KIAA0825: variants seen among roughly 807,000 people sequenced by gnomAD.
The protein encoded by KIAA0825 is KIAA0825.
In KIAA0825, 119 loss-of-function variants were observed where a neutral mutation model predicts 147.6. That is an observed-to-expected ratio of 0.81 (90% CI 0.69 to 0.94). The LOEUF (loss-of-function observed/expected upper bound fraction) is 0.94, where lower values mean the gene tolerates loss of function less well. Among genes scored for constraint, KIAA0825 ranks in the 40% least tolerant of loss-of-function variants. The pLI is 0.00. For synonymous variants in KIAA0825, 470 were observed against 518.1 expected, an observed-to-expected ratio of 0.91 and a Z score of 1.26; for missense variants, 1,381 against 1,472.7, an observed-to-expected ratio of 0.94 and a Z score of 1.02.
chr5:94,604,376 T>C (rs1227156991), intron 1 of KIAA0825, among the ~76,000 whole-genome samples: 1 of 152,136 alleles, frequency 6.6e-6, no homozygotes, highest in Non-Finnish European at 1.5e-5. Context: ...CTGGCCAACA[T>C]GGCGAAACCC....
intron 2 of KIAA0825, among the ~76,000 whole-genome samples, chr5:94,556,195 G>A (rs908517768): frequency 6.6e-6 from 1 of 151,950 alleles, no homozygotes; most frequent in Non-Finnish European, 1.5e-5. Flanking sequence ...TGGGATTACA[G>A]GTGTGTGCCA....
At chr5:94,588,326 G>T (rs1235632923) in intron 1 of KIAA0825, among the ~76,000 whole-genome samples, 1 of 152,010 alleles carries the variant, frequency 6.6e-6, no homozygotes, top group Non-Finnish European at 1.5e-5. Flanking sequence ...AATCTACAAA[G>T]AACTTAAACA....
At chr5:94,452,880 C>T (rs1758596114) in intron 13 of KIAA0825, 79 bp downstream of exon 13, 5 of 709,742 alleles carry the variant, frequency 7.0e-6, no homozygotes, top group East Asian at 3.3e-5. Flanking sequence ...AGTTCGTTTA[C>T]ATCCATTGAT....
intron 20 of KIAA0825, among the ~76,000 whole-genome samples, chr5:94,348,853 G>A (rs756591732): frequency 6.6e-6 from 1 of 152,016 alleles, no homozygotes; most frequent in East Asian, 1.9e-4. Context: ...AATCACACAG[G>A]ACCTATAAAA....
At chr5:94,265,750 G>A (rs1464204321) in intron 20 of KIAA0825, among the ~76,000 whole-genome samples, 2 of 152,274 alleles carry the variant, frequency 1.3e-5, no homozygotes, top group Middle Eastern at 3.4e-3. Flanking sequence ...GCAGTGAGCC[G>A]AGATTGCGCC....
intron 20 of KIAA0825, among the ~76,000 whole-genome samples, chr5:94,181,704 A>G (rs111908676): frequency 0.014 from 2,100 of 152,332 alleles, 43 homozygotes; most frequent in African/African-American, 0.049. Context: ...ATCAAGGTAA[A>G]GAGAATAAAC....
chr5:94,467,132 C>T (rs77626626), intron 10 of KIAA0825, among the ~76,000 whole-genome samples: 5,745 of 152,260 alleles, frequency 0.038, 167 homozygotes, highest in Non-Finnish European at 0.057. Flanking sequence ...AAAAAATACT[C>T]ATTTTAAGAC....
chr5:94,546,491 C>G (rs1404674343), intron 2 of KIAA0825, among the ~76,000 whole-genome samples: 1 of 150,752 alleles, frequency 6.6e-6, no homozygotes, highest in African/African-American at 2.4e-5. Flanking sequence ...TATATTACCC[C>G]ACCCCCAGCT....
chr5:94,431,402 C>T (rs62364602), intron 14 of KIAA0825, among the ~76,000 whole-genome samples: 17,163 of 152,200 alleles, frequency 0.11, 1,146 homozygotes, highest in East Asian at 0.26. Context: ...CAGTACCAGT[C>T]TAATGTGTCA....
chr5:94,428,305 G>T (rs1755181806), intron 14 of KIAA0825, among the ~76,000 whole-genome samples: 1 of 152,008 alleles, frequency 6.6e-6, no homozygotes, highest in Non-Finnish European at 1.5e-5. Flanking sequence ...ATTGTTTGCT[G>T]GTTGCTTTGT....
chr5:94,473,965 A>G (rs1298636520), intron 7 of KIAA0825, among the ~76,000 whole-genome samples: 1 of 152,164 alleles, frequency 6.6e-6, no homozygotes, highest in Non-Finnish European at 1.5e-5. Flanking sequence ...TTTAATATTC[A>G]ACTTTCATTT....
intron 20 of KIAA0825, among the ~76,000 whole-genome samples, chr5:94,216,296 T>C (rs759523243): frequency 3.2e-4 from 49 of 152,066 alleles, no homozygotes; most frequent in Non-Finnish European, 6.3e-4. Context: ...TGGAAGTAAA[T>C]GGAAGGGATT....
chr5:94,506,269 A>G (rs1765729261), intron 5 of KIAA0825, among the ~76,000 whole-genome samples: 1 of 152,224 alleles, frequency 6.6e-6, no homozygotes, highest in African/African-American at 2.4e-5. Flanking sequence ...GCACTGTTGG[A>G]GGTAGTTAAC....
rs1768749292 is a variant in KIAA0825 at position 94,523,932 on chromosome 5, G to T, written c.298C>A (p.Leu100Met). Reference protein sequence around the residue: ...HGDLIKFFKTLQDLLKNEQNQ... With the variant: ...HGDLIKFFKTMQDLLKNEQNQ... ...GATAAAATAAAAATTCATTTTACCA[G>T]TGTTTTGAAAAATTTTATCAAGTCT... The change falls in exon 4 of 21, where the codon CTG becomes ATG. Residue 100 changes from leucine (L) to methionine (M), a missense_variant and splice_region_variant. By Grantham distance (15) the Leu-to-Met change is conservative. Coordinates refer to ENST00000682413, the MANE Select transcript of KIAA0825 (RefSeq NM_001145678.3). 1 of 1,586,164 alleles carries T rather than the reference G, an allele frequency of 6.3e-7. No homozygotes were observed. The highest frequency in any genetic ancestry group is 8.6e-7 in the Non-Finnish European group (1 of 1,161,282).
intron 20 of KIAA0825, among the ~76,000 whole-genome samples, chr5:94,183,637 A>T (rs1769866865): frequency 6.6e-6 from 1 of 152,202 alleles, no homozygotes; most frequent in South Asian, 2.1e-4. Flanking sequence ...TTAATCAATC[A>T]TGCTTATGTG....
intron 20 of KIAA0825, among the ~76,000 whole-genome samples, chr5:94,163,855 G>A (rs2149926693): frequency 6.6e-6 from 1 of 152,226 alleles, no homozygotes; most frequent in South Asian, 2.1e-4. Context: ...ACCCAAATGA[G>A]CATAAACTCT....
intron 19 of KIAA0825, among the ~76,000 whole-genome samples, 157 bp downstream of exon 19, chr5:94,386,085 C>T (rs143749998): frequency 2.9e-4 from 44 of 152,292 alleles, no homozygotes; most frequent in African/African-American, 9.6e-4. Context: ...TAAAATAACT[C>T]TTAAAAGTCA....
At chr5:94,505,673 AAACT>A (rs1423913874) in intron 5 of KIAA0825, among the ~76,000 whole-genome samples, 19 of 152,224 alleles carry the variant, frequency 1.2e-4, no homozygotes, top group African/African-American at 4.6e-4. Flanking sequence ...CAAGGAAATA[AAACT>A]AACTGAATAG....
chr5:94,509,998 A>G (rs976347171), intron 5 of KIAA0825, among the ~76,000 whole-genome samples: 11 of 152,168 alleles, frequency 7.2e-5, no homozygotes, highest in Admixed American at 1.3e-4. Flanking sequence ...ACGGTTTGGG[A>G]AAAAAGGTGT....
Sources: gnomAD v4.1 joint callset for allele counts (sites outside exome capture counted in the v4.1 genomes callset) on GRCh38, gnomAD v4.1.1 for gene constraint, MANE v1.5 for transcripts, NCBI Gene and HGNC (gene_info 2026-07-23, HGNC 2026-07-21) for gene names.